The following KCNAB1 variants were observed in gnomAD, a reference collection of about 807,000 sequenced individuals.
KCNAB1 encodes the protein voltage-gated potassium channel subunit beta-1.
KCNAB1 carries 35 observed loss-of-function variants against 64.6 expected under a neutral mutation model. The observed-to-expected ratio is 0.54, with a 90% CI of 0.41 to 0.72. The LOEUF is 0.72. KCNAB1 is among the 30% of genes least tolerant of loss of function. KCNAB1 has a pLI of 0.00. For missense variants in KCNAB1, 401 were observed against 512.9 expected (o/e 0.78, Z 2.11); for synonymous variants, 177 against 183.8 (o/e 0.96, Z 0.30).
At chr3:156,249,498 G>T (rs537876323) in intron 1 of KCNAB1, among the ~76,000 whole-genome samples, 3 of 151,228 alleles carry the variant, frequency 2.0e-5, no homozygotes, top group South Asian at 2.1e-4. Flanking sequence ...CTTGAACCCA[G>T]AAGGCAGAGG....
chr3:156,538,439 C>T lies in KCNAB1; in HGVS notation c.*1692C>T, dbSNP rs1719217515. ...CTAACAGAGAGTTTGAATTTTTTGCCCGTGTTATCAGAATGATGGAAATTG... is the reference window on the plus strand; with the variant it reads ...CTAACAGAGAGTTTGAATTTTTTGCTCGTGTTATCAGAATGATGGAAATTG... On this transcript the variant is annotated 3_prime_UTR_variant, in exon 14 of 14. Transcript: ENST00000490337. 6.6e-6 allele frequency: 1 copy of T among 151,828 alleles called. No individual in the cohort carries two copies. The highest frequency in any genetic ancestry group is 1.5e-5 in the Non-Finnish European group (1 of 67,992). 9.4% of individuals were successfully genotyped at this position (151,828 alleles called of 1,614,324 possible).
In KCNAB1 at chr3:156,224,607, A is replaced by T. The variant is rs2108422459; in HGVS notation, c.275+103721A>T. On this transcript the variant is annotated intron_variant, in intron 1 of 13. Coordinates refer to ENST00000490337, the MANE Select transcript of KCNAB1 (RefSeq NM_172160.3). ...ACTAAATGAAATTGAAACAAACAAC[A>T]ATGTAAATACAAAAGATAAATGAAA... Among the ~76,000 whole-genome samples the T allele has an allele frequency of 1.3e-5, 2 of 152,372 alleles. 1 individual carries two copies. Among genetic ancestry groups the T allele is most frequent in the South Asian group, 4.1e-4 (2 of 4,828 alleles).
intron 2 of KCNAB1, among the ~76,000 whole-genome samples, chr3:156,444,584 T>C (rs11917301): frequency 0.2 from 30,758 of 152,154 alleles, 5,197 homozygotes; most frequent in African/African-American, 0.46. Context: ...CTTAGCCTTT[T>C]ATTCTAGGCC....
chr3:156,278,764 G>C (rs994472262), intron 1 of KCNAB1, among the ~76,000 whole-genome samples: 1 of 151,786 alleles, frequency 6.6e-6, no homozygotes, highest in Non-Finnish European at 1.5e-5. Flanking sequence ...TCGCAGAGTC[G>C]GTGTCACCAG....
intron 1 of KCNAB1, chr3:156,215,879 TG>T (rs1342093600): frequency 1.3e-5 from 2 of 152,196 alleles, no homozygotes; most frequent in Admixed American, 1.3e-4. Flanking sequence ...CCTTTCATTA[TG>T]TGGGAGAGTA....
chr3:156,438,232 T>C (rs574688833), intron 2 of KCNAB1, among the ~76,000 whole-genome samples: 50 of 152,144 alleles, frequency 3.3e-4, no homozygotes, highest in Non-Finnish European at 6.5e-4. Flanking sequence ...ACTGGAGGCT[T>C]TGAGTACCTG....
At chr3:156,444,210 G>A (rs1381142373) in intron 2 of KCNAB1, among the ~76,000 whole-genome samples, 2 of 152,274 alleles carry the variant, frequency 1.3e-5, no homozygotes, top group Non-Finnish European at 1.5e-5. Flanking sequence ...CCAGACATAG[G>A]TCTTCATGTA....
At chr3:156,176,757 C>T (rs1478005478) in intron 1 of KCNAB1, 2 of 900,742 alleles carry the variant, frequency 2.2e-6, no homozygotes, top group Non-Finnish European at 3.8e-6. Flanking sequence ...GGAGGAACAC[C>T]TCGGAGGTCC....
At chr3:156,296,632 C>T (rs1720804889) in intron 1 of KCNAB1, among the ~76,000 whole-genome samples, 1 of 151,976 alleles carries the variant, frequency 6.6e-6, no homozygotes, top group South Asian at 2.1e-4. Context: ...CACCACCATG[C>T]CTGGCTAATG....
chr3:156,262,312 G>T (rs1718479707), intron 1 of KCNAB1, among the ~76,000 whole-genome samples: 1 of 151,900 alleles, frequency 6.6e-6, no homozygotes, highest in South Asian at 2.1e-4. Context: ...CATTTAGTAT[G>T]ATGTGAGCTG....
intron 8 of KCNAB1, among the ~76,000 whole-genome samples, chr3:156,490,330 A>G (rs1337534223): frequency 1.3e-5 from 2 of 152,150 alleles, no homozygotes; most frequent in Non-Finnish European, 2.9e-5. Context: ...TTCAAGCACA[A>G]TTTTAGTGCT....
chr3:156,129,026 A>T (rs925750283), intron 1 of KCNAB1, among the ~76,000 whole-genome samples: 1 of 112,374 alleles, frequency 8.9e-6, no homozygotes, highest in African/African-American at 3.1e-5. Context: ...ATAAAGCATC[A>T]TGCCTTCTTC....
chr3:156,260,215 T>A (rs1338012498), intron 1 of KCNAB1, among the ~76,000 whole-genome samples: 1 of 152,210 alleles, frequency 6.6e-6, no homozygotes, highest in South Asian at 2.1e-4. Context: ...TTTAAAAAAA[T>A]AAACCTTCTC....
rs905122661 is a variant in KCNAB1, at chr3:156,329,217, G to A, written c.276-92399G>A. Among the ~76,000 whole-genome samples the A allele has an allele frequency of 8.5e-5, 13 of 152,078 alleles. No homozygotes were observed. The South Asian group carries it at 2.3e-3, about 27-fold the overall frequency. Reference sequence around the variant, plus strand: ...AAGAGGCAGGGCGAAAATTTGAAATGCCTTGAGATCAGACAGAATTTGTCC... The same window carrying A: ...AAGAGGCAGGGCGAAAATTTGAAATACCTTGAGATCAGACAGAATTTGTCC... On this transcript the variant is annotated intron_variant, in intron 1 of 13. Transcript: ENST00000490337.
In KCNAB1 at chr3:156,461,744, A is replaced by G. The variant is rs115323786; in HGVS notation, c.482+1873A>G. On this transcript the variant is annotated intron_variant, in intron 5 of 13. Coordinates refer to ENST00000490337, the MANE Select transcript of KCNAB1 (RefSeq NM_172160.3). ...AATTATCACTCTCCATAGCTGCAGA[A>G]CCTATTTTATATACCTTTTGTAGAA... Among the ~76,000 whole-genome samples, 909 of 152,252 alleles carry G rather than the reference A, an allele frequency of 6.0e-3. 9 individuals carry two copies. The highest frequency in any genetic ancestry group is 0.021 in the African/African-American group (876 of 41,530).
chr3:156,292,390 G>GA (rs1480797734), intron 1 of KCNAB1, among the ~76,000 whole-genome samples: 8 of 152,072 alleles, frequency 5.3e-5, no homozygotes, highest in Admixed American at 4.6e-4. Flanking sequence ...CCAGTCCCCA[G>GA]AAAAAAACAC....
At chr3:156,332,519 A>G (rs1289867152) in intron 1 of KCNAB1, among the ~76,000 whole-genome samples, 1 of 152,138 alleles carries the variant, frequency 6.6e-6, no homozygotes, top group Non-Finnish European at 1.5e-5. Flanking sequence ...TTCAACCAGT[A>G]TTTGCCAATG....
intron 1 of KCNAB1, among the ~76,000 whole-genome samples, chr3:156,243,925 A>G (rs955955403): frequency 6.6e-6 from 1 of 152,124 alleles, no homozygotes. Flanking sequence ...CAAGCCACCA[A>G]ATGCTTGACT....
At chr3:156,175,943 C>A in intron 1 of KCNAB1, 1 of 970,770 alleles carries the variant, frequency 1.0e-6, no homozygotes, top group South Asian at 1.3e-5. Context: ...ATGGAGCCAG[C>A]ATGGCCGGGC....
Sources: allele counts gnomAD v4.1 joint callset (sites outside exome capture counted in the v4.1 genomes callset), GRCh38; gene constraint gnomAD v4.1.1; transcripts MANE v1.5; gene names NCBI Gene and HGNC (gene_info 2026-07-23, HGNC 2026-07-21).